MROH1: variants seen among roughly 807,000 people sequenced by gnomAD.
MROH1 encodes maestro heat-like repeat-containing protein family member 1.
In MROH1, 117 loss-of-function variants were observed where a neutral mutation model predicts 116.5. That is an observed-to-expected ratio of 1.00 (90% CI 0.86 to 1.17). The LOEUF is 1.17. Among genes scored for constraint, MROH1 ranks in the 50% most tolerant of loss-of-function variants. MROH1 has a pLI of 0.00. For synonymous variants in MROH1, 921 were observed against 583.9 expected, an observed-to-expected ratio of 1.58 and a Z score of -8.32; for missense variants, 1,873 against 1,338.5, an observed-to-expected ratio of 1.40 and a Z score of -6.23.
At position 144,175,520 on chromosome 8, in the gene MROH1, G is replaced by A. The variant is rs188544443; in HGVS notation, c.169-3935G>A. ...GCACTATACCGGCCGTGCTGCCCCGGCAGTTAATCCACCCACTTAGAGCCT... is the reference window on the plus strand; with the variant it reads ...GCACTATACCGGCCGTGCTGCCCCGACAGTTAATCCACCCACTTAGAGCCT... On this transcript the variant is annotated intron_variant, in intron 4 of 43. Coordinates refer to ENST00000326134, the MANE Select transcript of MROH1 (RefSeq NM_032450.3). The A allele has an allele frequency of 3.3e-3, 3,301 of 985,450 alleles. 9 individuals are homozygous for A. The highest frequency in any genetic ancestry group is 3.4e-3 in the Non-Finnish European group (2,860 of 829,922). The allele number at this position is 985,450 out of a possible 1,614,324, so 61.0% of individuals were successfully genotyped here. A position where few individuals can be genotyped will look rare whatever the true frequency, so the allele number is the denominator to read the frequency against.
chr8:144,164,874 C>T (rs551969259), intron 3 of MROH1, among the ~76,000 whole-genome samples: 40 of 152,272 alleles, frequency 2.6e-4, no homozygotes, highest in African/African-American at 8.4e-4. Flanking sequence ...ATAAAGGCAC[C>T]GGCACATTCA....
In MROH1 at chr8:144,260,939, C is replaced by G; in HGVS notation, c.4569C>G (p.Pro1523=). The G allele has an allele frequency of 1.3e-6, 1 of 777,708 alleles. No homozygotes were observed. The highest frequency in any genetic ancestry group is 1.3e-5 in the South Asian group (1 of 74,542). 48.2% of individuals were successfully genotyped at this position (777,708 alleles called of 1,614,324 possible). A position where few individuals can be genotyped will look rare whatever the true frequency, so the allele number is the denominator to read the frequency against. The change falls in exon 41 of 44, where the codon CCC becomes CCG. Residue 1523 remains proline (P), a synonymous_variant. Coordinates refer to ENST00000326134, the MANE Select transcript of MROH1 (RefSeq NM_032450.3). ...ACRFALRMCG[P]NLACEELSAA... ...GGTTTGCCCTGCGCATGTGTGGCCC[C>G]AATCTGGCATGTGAGGAGCTCTCAG...
At chr8:144,256,850 G>A (rs955120001) in intron 35 of MROH1, among the ~76,000 whole-genome samples, 1 of 152,372 alleles carries the variant, frequency 6.6e-6, no homozygotes, top group South Asian at 2.1e-4. Context: ...CTGGTTGTGA[G>A]TTGCTGTGCC....
rs545291792 is a variant in MROH1 at position 144,173,838 on chromosome 8, C to T, written c.168+5398C>T. 1.6e-4 allele frequency among the ~76,000 whole-genome samples: 25 copies of T among 152,218 alleles called. No homozygotes were observed. The East Asian group carries it at 2.7e-3, about 16-fold the overall frequency. ...CATTATAGCTTGTAACTGTGTTTGG[C>T]GGTTCCTGAGCTCTTACACCACACC... On this transcript the variant is annotated intron_variant, in intron 4 of 43. Transcript: ENST00000326134.
chr8:144,226,124 A>G (rs986616936), intron 14 of MROH1, among the ~76,000 whole-genome samples: 1 of 151,458 alleles, frequency 6.6e-6, no homozygotes, highest in African/African-American at 2.4e-5. Flanking sequence ...CATGTTGGAC[A>G]GGCTGGTCTC....
intron 14 of MROH1, among the ~76,000 whole-genome samples, chr8:144,227,236 T>C (rs1276708327): frequency 6.6e-6 from 1 of 152,222 alleles, no homozygotes; most frequent in Non-Finnish European, 1.5e-5. Context: ...TTTTCTTGAC[T>C]TACTACATTG....
chr8:144,155,500 G>A (rs1371352717), intron 1 of MROH1, among the ~76,000 whole-genome samples: 1 of 151,848 alleles, frequency 6.6e-6, no homozygotes, highest in African/African-American at 2.4e-5. Context: ...TTTTTCCAAC[G>A]TGTCACAAAT....
intron 11 of MROH1, 38 bp from the exon 12 acceptor site, chr8:144,200,390 G>A (rs1246330250): frequency 6.8e-7 from 1 of 1,479,324 alleles, no homozygotes; most frequent in Admixed American, 2.0e-5. Flanking sequence ...GGATGAACAA[G>A]ATGACATGGA....
At chr8:144,207,478 C>T (rs1285027853) in intron 12 of MROH1, among the ~76,000 whole-genome samples, 2 of 152,110 alleles carry the variant, frequency 1.3e-5, no homozygotes, top group African/African-American at 4.8e-5. Flanking sequence ...TGAGCCACCA[C>T]GCCCGACCCC....
intron 14 of MROH1, among the ~76,000 whole-genome samples, chr8:144,236,519 T>C (rs1840065131): frequency 6.6e-6 from 1 of 152,058 alleles, no homozygotes; most frequent in African/African-American, 2.4e-5. Flanking sequence ...GGTGGGTGGA[T>C]CACTTGAAGT....
chr8:144,183,850 T>C (rs1216330108), intron 7 of MROH1, among the ~76,000 whole-genome samples: 3 of 152,010 alleles, frequency 2.0e-5, no homozygotes, highest in Non-Finnish European at 2.9e-5. Flanking sequence ...GGTTTCACCA[T>C]GTTAGCCAGG....
At chr8:144,188,377 C>T (rs1233167187) in intron 7 of MROH1, among the ~76,000 whole-genome samples, 3 of 151,830 alleles carry the variant, frequency 2.0e-5, no homozygotes, top group African/African-American at 7.3e-5. Context: ...CCCAACCTGG[C>T]CCTCTGCACC....
intron 1 of MROH1, among the ~76,000 whole-genome samples, chr8:144,159,811 A>C (rs564602090): frequency 0.011 from 1,326 of 126,238 alleles, 21 homozygotes; most frequent in African/African-American, 0.038. Context: ...TTTGTCGCCC[A>C]GGCTGGAGTG....
In MROH1 at chr8:144,179,465, C is replaced by T. The variant is rs747362125; in HGVS notation, c.179C>T (p.Pro60Leu). The change falls in exon 5 of 44, where the codon CCA becomes CTA. Residue 60 changes from proline to leucine, a missense_variant. Transcript: ENST00000326134. ...YLRQHDKLAH[P>L]YRAAVLRAME... ...GGTGTCTCTCCGCAGCTGGCACACC[C>T]ATACCGAGCAGCGGTCCTGAGGGCC... 1.2e-6 allele frequency: 2 copies of T among 1,613,492 alleles called. No homozygotes were observed. The highest frequency in any genetic ancestry group is 1.7e-6 in the Non-Finnish European group (2 of 1,179,808).
At chr8:144,255,309 C>T (rs1462952637) in intron 34 of MROH1, among the ~76,000 whole-genome samples, 200 bp from the exon 35 acceptor site, 2 of 152,238 alleles carry the variant, frequency 1.3e-5, no homozygotes, top group East Asian at 1.9e-4. Flanking sequence ...GGCTGACTGC[C>T]CCTCTGTCCC....
At position 144,163,933 on chromosome 8, in the gene MROH1, T is replaced by C; in HGVS notation, c.22+85T>C. The C allele has an allele frequency of 6.9e-7, 1 of 1,452,606 alleles. No individual in the cohort carries two copies. Among genetic ancestry groups the C allele is most frequent in the Non-Finnish European group, 9.6e-7 (1 of 1,044,764 alleles). 90.0% of individuals were successfully genotyped at this position (1,452,606 alleles called of 1,614,324 possible). On this transcript the variant is annotated intron_variant, in intron 3 of 43. Coordinates refer to ENST00000326134, the MANE Select transcript of MROH1 (RefSeq NM_032450.3). This position sits in a 1 kb window ranked among gnomAD's most constrained non-coding sequence, Gnocchi z 4.4. ...AGGGCAGGCCAAGGCTCTTACCAGC[T>C]CCAATGGTGCCTAGAGTTTCCACCC...
intron 4 of MROH1, among the ~76,000 whole-genome samples, chr8:144,179,006 GT>G (rs1472242139): frequency 6.6e-6 from 1 of 151,946 alleles, no homozygotes; most frequent in Non-Finnish European, 1.5e-5. Flanking sequence ...GGTGGGTGGC[GT>G]TTTTCCTTAG....
intron 29 of MROH1, among the ~76,000 whole-genome samples, chr8:144,245,532 G>T (rs1228020238): frequency 6.6e-6 from 1 of 152,360 alleles, no homozygotes; most frequent in East Asian, 1.9e-4. Context: ...GCTTGATTTG[G>T]TTGGCGATAT....
At chr8:144,248,625 C>T (rs1484875549) in intron 31 of MROH1, among the ~76,000 whole-genome samples, 1 of 152,224 alleles carries the variant, frequency 6.6e-6, no homozygotes, top group Admixed American at 6.5e-5. Context: ...GTGACCCCAG[C>T]CCTGCAGCTG....
Sources: gnomAD v4.1 joint callset for allele counts (sites outside exome capture counted in the v4.1 genomes callset) on GRCh38, gnomAD v4.1.1 for gene constraint, Gnocchi (gnomAD v3.1) non-coding constraint, MANE v1.5 for transcripts, NCBI Gene and HGNC (gene_info 2026-07-23, HGNC 2026-07-21) for gene names.